The following HMGCLL1 variants were observed in gnomAD, a reference collection of about 807,000 sequenced individuals.
The protein encoded by HMGCLL1 is 3-hydroxymethyl-3-methylglutaryl-CoA lyase, cytoplasmic.
Under a neutral mutation model 39.1 loss-of-function variants are expected in HMGCLL1, and 36 were observed. The observed-to-expected ratio is 0.92, with a 90% CI of 0.71 to 1.22. HMGCLL1 has a LOEUF of 1.22. Among genes scored for constraint, HMGCLL1 ranks in the 50% most tolerant of loss-of-function variants. The pLI is 0.00. For synonymous variants in HMGCLL1, 149 were observed against 144.0 expected, an observed-to-expected ratio of 1.03 and a Z score of -0.25; for missense variants, 451 against 416.5, an observed-to-expected ratio of 1.08 and a Z score of -0.72.
At chr6:55,553,826 T>C (rs920655113) in intron 1 of HMGCLL1, among the ~76,000 whole-genome samples, 3 of 152,234 alleles carry the variant, frequency 2.0e-5, no homozygotes, top group Non-Finnish European at 2.9e-5. Flanking sequence ...GGAATCATTG[T>C]TGATAGTAGA....
rs1040997402 is a variant in HMGCLL1, at chr6:55,504,628, T to C, written c.543-5329A>G. On this transcript the variant is annotated intron_variant, in intron 5 of 8. Transcript: ENST00000274901. ...CTTATAATACCTAATATAATGTAAA[T>C]ACTATGTAAGTAGTTGCTAGACTGT... Among the ~76,000 whole-genome samples, 10 of 151,528 alleles carry C rather than the reference T, an allele frequency of 6.6e-5. 1 individual carries two copies. The highest frequency in any genetic ancestry group is 6.0e-4 in the Admixed American group (9 of 15,122).
At chr6:55,542,557 A>G (rs1219988847) in intron 1 of HMGCLL1, among the ~76,000 whole-genome samples, 2 of 151,718 alleles carry the variant, frequency 1.3e-5, no homozygotes, top group African/African-American at 4.8e-5. Context: ...AGGTGGGAGG[A>G]TCATGAGGTC....
chr6:55,450,944 A>G (rs1764053295), intron 7 of HMGCLL1, among the ~76,000 whole-genome samples: 1 of 152,202 alleles, frequency 6.6e-6, no homozygotes, highest in South Asian at 2.1e-4. Flanking sequence ...ACAAATAACC[A>G]ATCTCAAAAA....
the HMGCLL1 span, among the ~76,000 whole-genome samples, chr6:55,658,822 G>A: frequency 6.0e-4 from 91 of 151,978 alleles, no homozygotes; most frequent in Non-Finnish European, 1.2e-3. Flanking sequence ...AACTCACTAA[G>A]CAAAGTATAA....
intron 1 of HMGCLL1, among the ~76,000 whole-genome samples, chr6:55,563,179 T>A (rs1391681290): frequency 6.6e-6 from 1 of 152,108 alleles, no homozygotes; most frequent in Non-Finnish European, 1.5e-5. Context: ...TTATAACAAC[T>A]AAATTTTATA....
intron 1 of HMGCLL1, among the ~76,000 whole-genome samples, chr6:55,570,377 G>A (rs1771417382): frequency 6.6e-6 from 1 of 152,146 alleles, no homozygotes; most frequent in African/African-American, 2.4e-5. Flanking sequence ...ACCCTCTCAA[G>A]GAGAGCCTGC....
chr6:55,621,825 C>A, the HMGCLL1 span, among the ~76,000 whole-genome samples: 1 of 152,048 alleles, frequency 6.6e-6, no homozygotes, highest in African/African-American at 2.4e-5. Context: ...TCATCTTTTA[C>A]CCTTTCAAGA....
intron 7 of HMGCLL1, among the ~76,000 whole-genome samples, chr6:55,466,287 T>G (rs1764796888): frequency 1.3e-5 from 2 of 152,062 alleles, no homozygotes; most frequent in African/African-American, 2.4e-5. Flanking sequence ...AGAGCAGTAG[T>G]AACTGAAGGG....
chr6:55,472,958 C>A (rs1765111065), intron 7 of HMGCLL1, among the ~76,000 whole-genome samples: 1 of 151,240 alleles, frequency 6.6e-6, no homozygotes, highest in Non-Finnish European at 1.5e-5. Context: ...ACTGTTATTT[C>A]TTCTTGGATA....
intron 1 of HMGCLL1, among the ~76,000 whole-genome samples, chr6:55,556,371 C>T (rs1436880272): frequency 2.0e-5 from 3 of 152,122 alleles, no homozygotes; most frequent in Non-Finnish European, 2.9e-5. Flanking sequence ...CAAAGCTATA[C>T]AGACATCCTG....
At chr6:55,435,846 G>C (rs1375989365) in intron 8 of HMGCLL1, 83 bp from the exon 9 acceptor site, 18 of 602,064 alleles carry the variant, frequency 3.0e-5, no homozygotes, top group Non-Finnish European at 4.7e-5. Flanking sequence ...AATTTTATTA[G>C]TAGTTACTTA....
At chr6:55,610,248 G>T in the HMGCLL1 span, among the ~76,000 whole-genome samples, 1 of 152,062 alleles carries the variant, frequency 6.6e-6, no homozygotes, top group Non-Finnish European at 1.5e-5. Flanking sequence ...AGGTAAAGGA[G>T]CATGTCCTAA....
the HMGCLL1 span, among the ~76,000 whole-genome samples, chr6:55,627,744 G>A: frequency 1.4e-5 from 2 of 146,272 alleles, no homozygotes; most frequent in Non-Finnish European, 3.0e-5. Context: ...CTCTTGTGCT[G>A]GATGCTTCCT....
At chr6:55,600,063 A>C in the HMGCLL1 span, among the ~76,000 whole-genome samples, 1 of 152,152 alleles carries the variant, frequency 6.6e-6, no homozygotes, top group Admixed American at 6.6e-5. Flanking sequence ...AATGATTTAC[A>C]TTGGCGGTAT....
chr6:55,505,118 G>C (rs9370435), intron 5 of HMGCLL1, among the ~76,000 whole-genome samples: 102,233 of 151,330 alleles, frequency 0.68, 34,555 homozygotes, highest in Non-Finnish European at 0.7. Flanking sequence ...TGATATAAAA[G>C]AAGACGTGAA....
intron 7 of HMGCLL1, among the ~76,000 whole-genome samples, chr6:55,484,400 G>C (rs4587170): frequency 0.023 from 3,560 of 151,590 alleles, 56 homozygotes; most frequent in Middle Eastern, 0.037. Flanking sequence ...CAGTCTGCTG[G>C]ATTTAAATAT....
At chr6:55,566,425 C>T (rs1401652396) in intron 1 of HMGCLL1, 1 of 270,636 alleles carries the variant, frequency 3.7e-6, no homozygotes, top group Admixed American at 4.3e-5. Flanking sequence ...TTTCTGCCAT[C>T]TGTATTTCTC....
At chr6:55,577,260 T>C in intron 1 of HMGCLL1, 3 of 1,459,338 alleles carry the variant, frequency 2.1e-6, no homozygotes, top group South Asian at 1.3e-5. Context: ...AATTCAACAG[T>C]ATTGGAACTA....
intron 7 of HMGCLL1, among the ~76,000 whole-genome samples, chr6:55,489,526 C>A (rs1766206305): frequency 6.6e-6 from 1 of 151,668 alleles, no homozygotes; most frequent in East Asian, 1.9e-4. Flanking sequence ...ATAGATAAGG[C>A]TTTCTTTTCT....
Sources: gnomAD v4.1 joint callset for allele counts (sites outside exome capture counted in the v4.1 genomes callset) on GRCh38, gnomAD v4.1.1 for gene constraint, MANE v1.5 for transcripts, NCBI Gene and HGNC (gene_info 2026-07-23, HGNC 2026-07-21) for gene names.